The following ADSS1 variants were observed in gnomAD, a reference collection of about 807,000 sequenced individuals.
ADSS1 encodes adenylosuccinate synthetase isozyme 1.
Under a neutral mutation model 59.1 loss-of-function variants are expected in ADSS1, and 57 were observed. That is an observed-to-expected ratio of 0.97 (90% CI 0.78 to 1.20). The LOEUF (loss-of-function observed/expected upper bound fraction) is 1.20. Among genes scored for constraint, ADSS1 ranks in the 50% most tolerant of loss-of-function variants. The probability of loss-of-function intolerance (pLI) is 0.00; values close to 1 mark genes in which losing one functional copy is unlikely to be tolerated. For synonymous variants in ADSS1, 247 were observed against 249.4 expected (o/e 0.99, Z 0.09); for missense variants, 603 against 610.3 (o/e 0.99, Z 0.13).
chr14:104,729,614 T>G (rs369961654), intron 1 of ADSS1: 9 of 69,028 alleles, frequency 1.3e-4, no homozygotes, highest in Admixed American at 6.2e-4. Context: ...GTCGGCGTCG[T>G]GGGGAGGAGC....
At chr14:104,745,915 C>T (rs1048320960) in intron 11 of ADSS1, 1 of 159,564 alleles carries the variant, frequency 6.3e-6, no homozygotes, top group Non-Finnish European at 1.1e-5. Flanking sequence ...CTTCAGGATT[C>T]TAGAGTCTCA....
At position 104,738,380 on chromosome 14, in the gene ADSS1, CG is replaced by C; in HGVS notation, c.304del (p.Val102TrpfsTer20). 1 of 1,613,780 alleles carries C rather than the reference CG, an allele frequency of 6.2e-7. No homozygotes were observed. Among genetic ancestry groups the C allele is most frequent in the South Asian group, 1.1e-5 (1 of 91,072 alleles). On this transcript the variant is annotated frameshift_variant, in exon 3 of 13. Transcript: ENST00000330877. LOFTEE classifies it high-confidence loss of function. The part of the protein sequence containing the change: ...NTKAVSFIGN[G>X]VVIHLPGLFE... ...ATGCCTCTGTCTCTCATGCAGGCAACGGGGTGGTCATCCACTTGCCAGGCTT... is the reference window on the plus strand; with the variant it reads ...ATGCCTCTGTCTCTCATGCAGGCAACGGGTGGTCATCCACTTGCCAGGCTT...
At position 104,741,119 on chromosome 14, in the gene ADSS1, C is replaced by T; in HGVS notation, c.669C>T (p.Gly223=). The T allele has an allele frequency of 6.3e-7, 1 of 1,599,344 alleles. No homozygotes were observed. The highest frequency in any genetic ancestry group is 8.5e-7 in the Non-Finnish European group (1 of 1,171,012). ...DIEGQLKRLK[G]FAERIRPMVR... is the part of the protein sequence containing the mutation. ...TGCTGCTTGGCCCTTCCTTGCAGGG[C>T]TTTGCTGAGCGGATCAGACCCATGG... Residue 223 remains glycine, a splice_region_variant and synonymous_variant, in exon 8 of 13, where the codon GGC becomes GGT. Coordinates refer to ENST00000330877, the MANE Select transcript of ADSS1 (RefSeq NM_152328.5).
chr14:104,739,163 G>T (rs1199575430), intron 3 of ADSS1, among the ~76,000 whole-genome samples, 165 bp from the exon 4 acceptor site: 2 of 152,064 alleles, frequency 1.3e-5, no homozygotes, highest in East Asian at 3.9e-4. Context: ...AGACAACGAG[G>T]GGCGGGTCTG....
rs1891013753 is a variant in ADSS1, at chr14:104,733,672, G to A, written c.193-1348G>A. 2.6e-5 allele frequency among the ~76,000 whole-genome samples: 4 copies of A among 152,286 alleles called. No homozygotes were observed. In the South Asian group the frequency reaches 8.3e-4, roughly 32 times the overall value. On this transcript the variant is annotated intron_variant, in intron 1 of 12. Transcript: ENST00000330877. ...TGGCTGGGAGAATCCCCCATGCGTA[G>A]ACAAGTTGAGGGCTTTTCTGCCGGG... is the stretch of plus-strand genomic sequence containing the variant.
chr14:104,740,907 T>C lies in ADSS1; in HGVS notation c.653T>C (p.Leu218Pro). ...PTLEIDIEGQ[L>P]KRLKGFAERI... ...CTGGAAATAGACATTGAAGGCCAACTCAAAAGGCTCAAGGTGAAGTCGGGG... is the reference window on the plus strand; with the variant it reads ...CTGGAAATAGACATTGAAGGCCAACCCAAAAGGCTCAAGGTGAAGTCGGGG... The change falls in exon 7 of 13, where the codon CTC becomes CCC. Residue 218 changes from leucine to proline, a missense_variant. Physicochemically the swap from Leu to Pro is moderately conservative, Grantham distance 98. Coordinates refer to ENST00000330877, the MANE Select transcript of ADSS1 (RefSeq NM_152328.5). The surrounding 1 kb of genome is among the most constrained non-coding windows in gnomAD (Gnocchi z 4.8). The C allele has an allele frequency of 6.2e-7, 1 of 1,613,784 alleles. No individual in the cohort carries two copies.
chr14:104,733,015 G>T (rs989281665), intron 1 of ADSS1, among the ~76,000 whole-genome samples: 5 of 152,128 alleles, frequency 3.3e-5, no homozygotes, highest in African/African-American at 9.7e-5. Context: ...CTGACTCAGC[G>T]TCTGCTGAGC....
In ADSS1 at chr14:104,732,882, C is replaced by T. The variant is rs376830525; in HGVS notation, c.193-2138C>T. On this transcript the variant is annotated intron_variant, in intron 1 of 12. Transcript: ENST00000330877. ...CGGAGAGGAATTACCACATATGTGC[C>T]GAGGCAAGGACAGAGTAAGAGTGGG... Among the ~76,000 whole-genome samples, 8 of 152,294 alleles carry T rather than the reference C, an allele frequency of 5.3e-5. No individual in the cohort carries two copies. In the East Asian group the frequency reaches 7.7e-4, roughly 15 times the overall value.
At position 104,724,409 on chromosome 14, in the gene ADSS1, G is replaced by A; in HGVS notation, c.139G>A (p.Gly47Ser). The A allele has an allele frequency of 7.9e-7, 1 of 1,265,380 alleles. No homozygotes were observed. Among genetic ancestry groups the A allele is most frequent in the Non-Finnish European group, 1.0e-6 (1 of 1,000,018 alleles). The allele number at this position is 1,265,380 out of a possible 1,614,324, so 78.4% of individuals were successfully genotyped here. A position where few individuals can be genotyped will look rare whatever the true frequency, so the allele number is the denominator to read the frequency against. The change falls in exon 1 of 13, where the codon GGC (glycine) becomes AGC (serine). Residue 47 changes from glycine to serine, a missense_variant. By Grantham distance (56) the Gly-to-Ser change is moderately conservative. Transcript: ENST00000330877. ...CGCGCAGTGGGGGGACGAGGGCAAA[G>A]GCAAGGTGGTGGACCTGCTGGCCAC... ...LGAQWGDEGK[G>S]KVVDLLATDA...
At chr14:104,730,581 G>A (rs565854584) in intron 1 of ADSS1, among the ~76,000 whole-genome samples, 5 of 152,166 alleles carry the variant, frequency 3.3e-5, no homozygotes, top group African/African-American at 4.8e-5. Context: ...TATGGAGAGA[G>A]GTGTAGAGAG....
At chr14:104,734,967 CG>C (rs1323662718) in intron 1 of ADSS1, 52 bp from the exon 2 acceptor site, 12 of 1,523,302 alleles carry the variant, frequency 7.9e-6, no homozygotes, top group African/African-American at 2.7e-5. Context: ...AGTCCATGTC[CG>C]GGGGGTCCTC....
chr14:104,738,339 C>G, intron 2 of ADSS1, 37 bp from the exon 3 acceptor site: 1 of 1,610,288 alleles, frequency 6.2e-7, no homozygotes, highest in Middle Eastern at 1.7e-4. Context: ...GTGTCTGGGA[C>G]ACAACTCTGT....
Position 104,742,005 on chromosome 14 carries a change from G to GCAACTTTCTCCCTCCTCTCACCCC in ADSS1, c.948+3_948+4insCAACTTTCTCCCTCCTCTCACCCC. The GCAACTTTCTCCCTCCTCTCACCCC allele has an allele frequency of 6.2e-7, 1 of 1,612,674 alleles. No individual in the cohort carries two copies. Reference sequence around the variant, plus strand: ...CCTTCCCCACCGAGCAGATCAACGTGAGTCCCCAGCCCCTCGGGACCCCGT... The same window carrying GCAACTTTCTCCCTCCTCTCACCCC: ...CCTTCCCCACCGAGCAGATCAACGTGCAACTTTCTCCCTCCTCTCACCCCAGTCCCCAGCCCCTCGGGACCCCGT... On this transcript the variant is annotated splice_donor_region_variant and intron_variant, in intron 9 of 12. Transcript: ENST00000330877.
intron 10 of ADSS1, 181 bp downstream of exon 10, chr14:104,743,372 G>C (rs1036732046): frequency 3.5e-6 from 3 of 866,962 alleles, no homozygotes; most frequent in Non-Finnish European, 5.2e-6. Context: ...CCTGTGCAGG[G>C]TGTGTTGGAG....
chr14:104,725,837 T>TC (rs952003700), intron 1 of ADSS1, among the ~76,000 whole-genome samples: 3 of 151,956 alleles, frequency 2.0e-5, no homozygotes, highest in African/African-American at 4.8e-5. Flanking sequence ...CCCAGGCCCC[T>TC]CCCTATGAGC....
rs559947760 is a variant in ADSS1 at position 104,742,920 on chromosome 14, C to G, written c.949-147C>G. On this transcript the variant is annotated intron_variant, in intron 9 of 12. Coordinates refer to ENST00000330877, the MANE Select transcript of ADSS1 (RefSeq NM_152328.5). ...GGCTTACCAGGGGTGTGGGGATGTC[C>G]GGGAGCTGGATGTAAGGACTGTCGG... 4.1e-6 allele frequency: 5 copies of G among 1,213,240 alleles called. No individual in the cohort carries two copies. In the Admixed American group the frequency reaches 5.7e-5, roughly 14 times the overall value. 75.2% of individuals were successfully genotyped at this position (1,213,240 alleles called of 1,614,324 possible). A position where few individuals can be genotyped will look rare whatever the true frequency, so the allele number is the denominator to read the frequency against.
intron 9 of ADSS1, among the ~76,000 whole-genome samples, chr14:104,742,549 C>T (rs1891405052): frequency 6.6e-6 from 1 of 152,256 alleles, no homozygotes. Flanking sequence ...TCACCCTCAA[C>T]CTGTGACCCT....
intron 1 of ADSS1, among the ~76,000 whole-genome samples, chr14:104,725,511 G>A (rs1890693359): frequency 6.6e-6 from 1 of 151,980 alleles, no homozygotes; most frequent in South Asian, 2.1e-4. Context: ...ACCCTGTGTG[G>A]CTCAGGGCTG....
intron 1 of ADSS1, among the ~76,000 whole-genome samples, chr14:104,725,251 C>T (rs1241927135): frequency 2.0e-5 from 3 of 152,196 alleles, no homozygotes; most frequent in Admixed American, 2.0e-4. Flanking sequence ...GGCACTCTCT[C>T]GGGCCGCCAC....
Sources: gnomAD v4.1 joint callset for allele counts (sites outside exome capture counted in the v4.1 genomes callset) on GRCh38, gnomAD v4.1.1 for gene constraint, Gnocchi (gnomAD v3.1) non-coding constraint, MANE v1.5 for transcripts, NCBI Gene and HGNC (gene_info 2026-07-23, HGNC 2026-07-21) for gene names.